STAG1: variants seen among roughly 807,000 people sequenced by gnomAD.
STAG1 encodes the protein cohesin subunit SA-1.
In STAG1, 26 loss-of-function variants were observed where a neutral mutation model predicts 170.9. The ratio of observed to expected loss-of-function variants is 0.15; its 90% confidence interval spans 0.11 to 0.21. STAG1 has a LOEUF of 0.21. Among genes scored for constraint, STAG1 ranks in the 10% least tolerant of loss-of-function variants. STAG1 has a pLI of 1.00. For missense variants in STAG1, 964 were observed against 1,509.5 expected, an observed-to-expected ratio of 0.64 and a Z score of 5.99; for synonymous variants, 514 against 497.7, an observed-to-expected ratio of 1.03 and a Z score of -0.44.
intron 13 of STAG1, among the ~76,000 whole-genome samples, chr3:136,463,714 T>TA (rs530519093): frequency 0.016 from 2,046 of 126,110 alleles, 72 homozygotes; most frequent in African/African-American, 0.051. Context: ...CCCATCTCTC[T>TA]AAAAAAAAAA....
At chr3:136,736,468 G>A in intron 1 of STAG1, 2 of 1,276,672 alleles carry the variant, frequency 1.6e-6, no homozygotes, top group Non-Finnish European at 2.3e-6. Context: ...CAGGGGGAAG[G>A]TTCTGTGCCT....
rs752563049 is a variant in STAG1, at chr3:136,398,849, AT to A, written c.2197-21del. 26 of 1,508,108 alleles carry A rather than the reference AT, an allele frequency of 1.7e-5. No homozygotes were observed. The highest frequency in any genetic ancestry group is 1.8e-4 in the Middle Eastern group (1 of 5,696). 93.4% of individuals were successfully genotyped at this position (1,508,108 alleles called of 1,614,324 possible). ...GACTATCTGTATCAAATGAAAAAAA[AT>A]TTTTTTAATGAAAAATTCAAAAAAA... On this transcript the variant is annotated intron_variant, in intron 21 of 33. Transcript: ENST00000383202.
At chr3:136,626,657 T>C (rs1559917448) in intron 2 of STAG1, among the ~76,000 whole-genome samples, 3 of 152,306 alleles carry the variant, frequency 2.0e-5, no homozygotes, top group Admixed American at 2.0e-4. Context: ...TTGTCTCTAC[T>C]AAAGAACAAT....
chr3:136,425,676 A>G (rs961738839), intron 16 of STAG1, among the ~76,000 whole-genome samples: 2 of 151,008 alleles, frequency 1.3e-5, no homozygotes, highest in Non-Finnish European at 2.9e-5. Context: ...TATGATTTAA[A>G]TACGTGTATG....
chr3:136,512,433 A>G (rs1156956958), intron 7 of STAG1, among the ~76,000 whole-genome samples: 2 of 152,236 alleles, frequency 1.3e-5, no homozygotes, highest in East Asian at 3.8e-4. Flanking sequence ...AAGTCTGTAT[A>G]ATAAGCAATT....
At chr3:136,464,452 T>A (rs535235132) in intron 13 of STAG1, among the ~76,000 whole-genome samples, 3 of 151,010 alleles carry the variant, frequency 2.0e-5, no homozygotes, top group Admixed American at 6.6e-5. Context: ...AAAAAAATCA[T>A]CATAATGGAA....
intron 16 of STAG1, among the ~76,000 whole-genome samples, chr3:136,424,379 G>C (rs142287320): frequency 4.9e-4 from 74 of 149,984 alleles, no homozygotes; most frequent in Non-Finnish European, 9.4e-4. Flanking sequence ...ACCCAGGCTG[G>C]AGTGCAATGG....
intron 29 of STAG1, 42 bp from the exon 30 acceptor site, chr3:136,344,048 G>A: frequency 6.9e-7 from 1 of 1,448,838 alleles, no homozygotes; most frequent in Non-Finnish European, 9.3e-7. Context: ...CGTGGGTGGA[G>A]TGAACTCTGG....
chr3:136,393,635 C>T (rs937610811), intron 22 of STAG1, among the ~76,000 whole-genome samples: 9 of 148,272 alleles, frequency 6.1e-5, no homozygotes, highest in Non-Finnish European at 1.2e-4. Context: ...ACTCTGTTGC[C>T]TAGGCTGGAG....
chr3:136,670,668 G>C (rs184141352), intron 1 of STAG1, among the ~76,000 whole-genome samples: 1 of 151,958 alleles, frequency 6.6e-6, no homozygotes, highest in Non-Finnish European at 1.5e-5. Context: ...CCAAGGTTTC[G>C]CTATGTTGGC....
intron 28 of STAG1, among the ~76,000 whole-genome samples, chr3:136,351,302 C>T (rs1936425848): frequency 6.6e-6 from 1 of 152,004 alleles, no homozygotes; most frequent in South Asian, 2.1e-4. Context: ...AGAAGGATAA[C>T]ATTTTATAGT....
At chr3:136,728,824 T>C (rs180776601) in intron 1 of STAG1, among the ~76,000 whole-genome samples, 28 of 152,318 alleles carry the variant, frequency 1.8e-4, no homozygotes, top group Middle Eastern at 3.4e-3. Context: ...TCCTCTTCCC[T>C]AATTTATTAG....
intron 1 of STAG1, among the ~76,000 whole-genome samples, chr3:136,728,371 G>A (rs576615956): frequency 6.2e-4 from 95 of 152,144 alleles, no homozygotes; most frequent in African/African-American, 2.2e-3. Flanking sequence ...GCATTTGTGG[G>A]TATGGGGAAA....
intron 9 of STAG1, among the ~76,000 whole-genome samples, chr3:136,484,298 A>G (rs1315801463): frequency 5.3e-5 from 8 of 151,278 alleles, no homozygotes; most frequent in African/African-American, 1.2e-4. Flanking sequence ...CTTCTAACAG[A>G]CAGGACCCTC....
intron 6 of STAG1, among the ~76,000 whole-genome samples, chr3:136,522,820 T>C (rs1934754374): frequency 6.7e-6 from 1 of 150,078 alleles, no homozygotes; most frequent in Non-Finnish European, 1.5e-5. Context: ...CATGCAGTGT[T>C]TGGTTTTTTG....
intron 1 of STAG1, among the ~76,000 whole-genome samples, chr3:136,736,142 G>A (rs1934319863): frequency 6.6e-6 from 1 of 152,192 alleles, no homozygotes. Context: ...TAAAAAATAT[G>A]TTTAACTGTA....
chr3:136,518,744 TTTG>T (rs1342026656), intron 7 of STAG1, among the ~76,000 whole-genome samples: 3 of 152,160 alleles, frequency 2.0e-5, no homozygotes, highest in Non-Finnish European at 2.9e-5. Context: ...ATGTTGTTAA[TTTG>T]TTTTTTTGAT....
At chr3:136,380,722 A>G (rs951251560) in intron 22 of STAG1, among the ~76,000 whole-genome samples, 8 of 152,010 alleles carry the variant, frequency 5.3e-5, no homozygotes, top group Admixed American at 1.3e-4. Context: ...TCATCAAGAT[A>G]AAAAACACAG....
intron 1 of STAG1, among the ~76,000 whole-genome samples, chr3:136,645,871 G>T (rs1313205771): frequency 6.6e-6 from 1 of 152,112 alleles, no homozygotes; most frequent in African/African-American, 2.4e-5. Context: ...TTCACTGAAG[G>T]TATCTGCATC....
Sources: allele counts gnomAD v4.1 joint callset (sites outside exome capture counted in the v4.1 genomes callset), GRCh38; gene constraint gnomAD v4.1.1; transcripts MANE v1.5; gene names NCBI Gene and HGNC (gene_info 2026-07-23, HGNC 2026-07-21).